ATR: variants seen among roughly 807,000 people sequenced by gnomAD.
ATR encodes ATR checkpoint kinase, also known as serine/threonine-protein kinase ATR.
A neutral mutation model predicts 305.3 loss-of-function variants in ATR; 142 were observed. That is an observed-to-expected ratio of 0.47 (90% CI 0.41 to 0.53). The LOEUF (loss-of-function observed/expected upper bound fraction) is 0.53, where lower values mean the gene tolerates loss of function less well. Ranked by LOEUF, ATR falls within the 20% of genes least tolerant of loss-of-function variation. The probability of loss-of-function intolerance (pLI) is 0.00; values close to 1 mark genes in which losing one functional copy is unlikely to be tolerated. For synonymous variants in ATR, 1,050 were observed against 1,068.1 expected, an observed-to-expected ratio of 0.98 and a Z score of 0.33; for missense variants, 2,135 against 3,133.1, an observed-to-expected ratio of 0.68 and a Z score of 7.60.
intron 1 of ATR, 122 bp from the exon 2 acceptor site, chr3:142,568,276 T>C: frequency 2.7e-6 from 2 of 741,452 alleles, no homozygotes; most frequent in Admixed American, 2.7e-5. Flanking sequence ...CACAGTATTC[T>C]TCTGTTTAAA....
Position 142,512,219 on chromosome 3 carries a change from CTA to C in ATR, c.4852+39_4852+40del. On this transcript the variant is annotated intron_variant, in intron 27 of 46. Coordinates refer to ENST00000350721, the MANE Select transcript of ATR (RefSeq NM_001184.4). ...AAGGGAAGAGCTAATTGGTGAATAGCTAAAAAAAAAAAAAAAAAAGAAACAGA... is the reference window on the plus strand; with the variant it reads ...AAGGGAAGAGCTAATTGGTGAATAGCAAAAAAAAAAAAAAAAAGAAACAGA... 21 of 975,434 alleles carry C rather than the reference CTA, an allele frequency of 2.2e-5. No individual in the cohort carries two copies. In the South Asian group the frequency reaches 2.7e-4, roughly 12 times the overall value. 60.4% of individuals were successfully genotyped at this position (975,434 alleles called of 1,614,324 possible). A position where few individuals can be genotyped will look rare whatever the true frequency, so the allele number is the denominator to read the frequency against.
intron 30 of ATR, 138 bp from the exon 31 acceptor site, chr3:142,499,856 AATT>A (rs2031862235): frequency 8.4e-6 from 6 of 713,796 alleles, no homozygotes; most frequent in East Asian, 2.9e-5. Context: ...GATATAAAAT[AATT>A]ATCTCTATCC....
At chr3:142,515,341 T>C in intron 25 of ATR, 54 bp downstream of exon 25, 1 of 1,603,068 alleles carries the variant, frequency 6.2e-7, no homozygotes, top group African/African-American at 1.3e-5. Flanking sequence ...AGATAGATGT[T>C]CTGGTTTCCT....
intron 45 of ATR, among the ~76,000 whole-genome samples, chr3:142,457,378 T>C (rs762067328): frequency 1.7e-4 from 26 of 152,130 alleles, no homozygotes; most frequent in Non-Finnish European, 2.8e-4. Flanking sequence ...TAAAATTAGA[T>C]AGTGGTAATG....
rs2033810459 is a variant in ATR at position 142,535,227 on chromosome 3, A to G, written c.3820-22T>C. ...TCTCCTATATACAAAGCACAGAGAG[A>G]CAGAACTTATTAATCAACTATTTTA... is the stretch of plus-strand genomic sequence containing the variant. On this transcript the variant is annotated intron_variant, in intron 20 of 46. Coordinates refer to ENST00000350721, the MANE Select transcript of ATR (RefSeq NM_001184.4). 1.3e-5 allele frequency: 21 copies of G among 1,612,270 alleles called. No homozygotes were observed. In the Middle Eastern group the frequency reaches 9.9e-4, roughly 76 times the overall value.
chr3:142,566,393 C>G, intron 2 of ATR, 132 bp from the exon 3 acceptor site: 1 of 960,718 alleles, frequency 1.0e-6, no homozygotes, highest in Admixed American at 2.0e-5. Flanking sequence ...CTGAAGTGGG[C>G]GGATCACCTG....
chr3:142,498,743 C>T lies in ATR; in HGVS notation c.5412G>A (p.Leu1804=), dbSNP rs951357007. Residue 1804 remains leucine (L), a synonymous_variant, in exon 32 of 47, where the codon CTG becomes CTA. Transcript: ENST00000350721. The part of the protein sequence containing the change: ...DGKSTTWSVR[L]GQLLLSAKKR... ...TTTTGGCTGATAATAATAGCTGTCC[C>T]AGTCTGACACTCCATGTTGTAGATT... The T allele has an allele frequency of 6.2e-6, 10 of 1,614,056 alleles. No individual in the cohort carries two copies. The highest frequency in any genetic ancestry group is 8.5e-6 in the Non-Finnish European group (10 of 1,179,994).
chr3:142,464,115 TTTTA>T (rs2071078167), intron 41 of ATR, among the ~76,000 whole-genome samples: 1 of 152,140 alleles, frequency 6.6e-6, no homozygotes, highest in African/African-American at 2.4e-5. Flanking sequence ...AATGATTACC[TTTTA>T]TTTATCTATT....
chr3:142,481,899 C>T (rs1357956635), intron 36 of ATR, among the ~76,000 whole-genome samples: 1 of 151,784 alleles, frequency 6.6e-6, no homozygotes, highest in Non-Finnish European at 1.5e-5. Context: ...CATAGCTCTC[C>T]GCAATCTCCA....
Position 142,469,535 on chromosome 3 carries a change from A to G in ATR, c.6354T>C (p.Asp2118=), listed in dbSNP as rs1210089380. The change falls in exon 38 of 47, where the codon GAT becomes GAC. Residue 2118 remains aspartate (D), a synonymous_variant. Coordinates refer to ENST00000350721, the MANE Select transcript of ATR (RefSeq NM_001184.4). ...TGATAACCTTGTTTATTTTACCCAA[A>G]TCATTCCTCATTTGTACACGATCGG... is the stretch of plus-strand genomic sequence containing the variant. ...GRSDRVQMRN[D]LGKINKVITE... 6.2e-7 allele frequency: 1 copy of G among 1,613,894 alleles called. No individual in the cohort carries two copies.
At chr3:142,523,964 T>C in intron 22 of ATR, 29 bp downstream of exon 22, 2 of 1,598,900 alleles carry the variant, frequency 1.3e-6, no homozygotes, top group Non-Finnish European at 1.7e-6. Context: ...CAGAGAACTC[T>C]TTTGTCATTC....
rs1452957329 is a variant in ATR at position 142,535,172 on chromosome 3, G to C, written c.3853C>G (p.Leu1285Val). 1 of 1,613,164 alleles carries C rather than the reference G, an allele frequency of 6.2e-7. No individual in the cohort carries two copies. The highest frequency in any genetic ancestry group is 8.5e-7 in the Non-Finnish European group (1 of 1,179,394). ...TGAATGGCCTTCATAGAGAGCTGAA[G>C]AGTTGTCTGAAGATCAGTGCTCTCA... is the stretch of plus-strand genomic sequence containing the variant. ...TSESTDLQTT[L>V]QLSMKAIQHE... The change falls in exon 21 of 47, where the codon CTT (leucine) becomes GTT (valine). Residue 1285 changes from leucine (L) to valine (V), a missense_variant. Physicochemically the swap from Leu to Val is conservative, Grantham distance 32 (BLOSUM62 1). Coordinates refer to ENST00000350721, the MANE Select transcript of ATR (RefSeq NM_001184.4).
intron 45 of ATR, among the ~76,000 whole-genome samples, chr3:142,457,067 T>G (rs2070924742): frequency 1.3e-5 from 2 of 152,110 alleles, no homozygotes; most frequent in South Asian, 4.1e-4. Flanking sequence ...TCTTAACTGA[T>G]GAACAGAAAA....
At chr3:142,504,787 T>C (rs891664775) in intron 29 of ATR, among the ~76,000 whole-genome samples, 1 of 152,166 alleles carries the variant, frequency 6.6e-6, no homozygotes, top group Admixed American at 6.5e-5. Context: ...TAAAATCATC[T>C]AGTAAAGTCT....
At chr3:142,506,680 C>G (rs756605417) in intron 28 of ATR, among the ~76,000 whole-genome samples, 5 of 151,998 alleles carry the variant, frequency 3.3e-5, no homozygotes, top group Non-Finnish European at 7.4e-5. Flanking sequence ...GAGCAAGACC[C>G]TATCTCAAAA....
chr3:142,505,129 A>G lies in ATR; in HGVS notation c.5196+10T>C, dbSNP rs1286168296. 6.2e-7 allele frequency: 1 copy of G among 1,614,022 alleles called. No homozygotes were observed. Among genetic ancestry groups the G allele is most frequent in the Non-Finnish European group, 8.5e-7 (1 of 1,179,914 alleles). ...TTTTCATTACAGTTGCCTTTCAATT[A>G]TTATCTTACCTGGTCTGGTTCTAGC... On this transcript the variant is annotated intron_variant, in intron 29 of 46. Coordinates refer to ENST00000350721, the MANE Select transcript of ATR (RefSeq NM_001184.4).
At chr3:142,485,527 G>A (rs2030859224) in intron 35 of ATR, among the ~76,000 whole-genome samples, 1 of 152,112 alleles carries the variant, frequency 6.6e-6, no homozygotes, top group East Asian at 1.9e-4. Flanking sequence ...GGAAGAATTC[G>A]CAACTTAGGA....
chr3:142,477,606 T>C (rs2029974512), intron 36 of ATR, among the ~76,000 whole-genome samples: 1 of 152,234 alleles, frequency 6.6e-6, no homozygotes, highest in Non-Finnish European at 1.5e-5. Context: ...GCTGGCCTCA[T>C]AAAATGAGTT....
chr3:142,488,788 T>C (rs1210610471), intron 35 of ATR, among the ~76,000 whole-genome samples: 1 of 152,212 alleles, frequency 6.6e-6, no homozygotes, highest in African/African-American at 2.4e-5. Context: ...TCCACATAAG[T>C]TTTAAATTCT....
Sources: allele counts gnomAD v4.1 joint callset (sites outside exome capture counted in the v4.1 genomes callset), GRCh38; gene constraint gnomAD v4.1.1; transcripts MANE v1.5; gene names NCBI Gene and HGNC (gene_info 2026-07-23, HGNC 2026-07-21).